CREBBP: variants seen among roughly 807,000 people sequenced by gnomAD.
The protein encoded by CREBBP is CREB binding lysine acetyltransferase, also known as CREB-binding protein.
In CREBBP, 19 loss-of-function variants were observed where a neutral mutation model predicts 265.0. The observed-to-expected ratio is 0.07, with a 90% CI of 0.05 to 0.11. The LOEUF (loss-of-function observed/expected upper bound fraction) is 0.11, where lower values mean the gene tolerates loss of function less well. Among genes scored for constraint, CREBBP ranks in the 10% least tolerant of loss-of-function variants. The pLI is 1.00. For missense variants in CREBBP, 2,525 were observed against 3,219.0 expected, an observed-to-expected ratio of 0.78 and a Z score of 5.22; for synonymous variants, 1,457 against 1,223.7, an observed-to-expected ratio of 1.19 and a Z score of -3.98.
At chr16:3,852,035 C>CAAAAAAAAAAAAAAAAAAAA (rs551018184) in intron 1 of CREBBP, among the ~76,000 whole-genome samples, 1 of 11,196 alleles carries the variant, frequency 8.9e-5, no homozygotes, top group Non-Finnish European at 1.8e-4. Context: ...GACTCCATCT[C>CAAAAAAAAAAAAAAAAAAAA]AAAAAAAAAA....
chr16:3,752,364 C>A (rs911615186), intron 19 of CREBBP, among the ~76,000 whole-genome samples: 1 of 151,896 alleles, frequency 6.6e-6, no homozygotes, highest in Non-Finnish European at 1.5e-5. Context: ...TTATGCTTGA[C>A]AGCAATTCAG....
chr16:3,816,974 A>C (rs2054048404), intron 2 of CREBBP, among the ~76,000 whole-genome samples: 1 of 152,210 alleles, frequency 6.6e-6, no homozygotes, highest in Admixed American at 6.5e-5. Context: ...GGGCATCGGA[A>C]GAGGCAGCAG....
In CREBBP at chr16:3,751,885, G is replaced by C. The variant is rs994360820; in HGVS notation, c.3699-79C>G. ...ACCCAAGCAACGAAGCCACCAATCAGAGCAGGGCAGAGCACCACGACGAAG... is the reference window on the plus strand; with the variant it reads ...ACCCAAGCAACGAAGCCACCAATCACAGCAGGGCAGAGCACCACGACGAAG... On this transcript the variant is annotated intron_variant, in intron 19 of 30. Transcript: ENST00000262367. 24 of 1,332,916 alleles carry C rather than the reference G, an allele frequency of 1.8e-5. No individual in the cohort carries two copies. In the African/African-American group the frequency reaches 3.2e-4, roughly 18 times the overall value. 82.6% of individuals were successfully genotyped at this position (1,332,916 alleles called of 1,614,324 possible). A position where few individuals can be genotyped will look rare whatever the true frequency, so the allele number is the denominator to read the frequency against.
chr16:3,814,164 A>C (rs898098600), intron 2 of CREBBP, among the ~76,000 whole-genome samples: 1 of 119,686 alleles, frequency 8.4e-6, no homozygotes, highest in African/African-American at 3.0e-5. Flanking sequence ...AATGTTGTTT[A>C]GTGTGTGTGT....
intron 23 of CREBBP, among the ~76,000 whole-genome samples, chr16:3,744,568 G>A (rs2052295449): frequency 1.3e-5 from 2 of 152,154 alleles, no homozygotes; most frequent in Non-Finnish European, 2.9e-5. Flanking sequence ...CCAAGGCTGC[G>A]AGTCCTGCTC....
intron 21 of CREBBP, among the ~76,000 whole-genome samples, chr16:3,746,173 GAT>G (rs2052337741): frequency 1.3e-5 from 2 of 152,184 alleles, no homozygotes; most frequent in Non-Finnish European, 2.9e-5. Context: ...TGAGTAATGT[GAT>G]TCCCTGTGTG....
chr16:3,734,656 C>T (rs1224579978), intron 28 of CREBBP, among the ~76,000 whole-genome samples: 1 of 152,220 alleles, frequency 6.6e-6, no homozygotes, highest in African/African-American at 2.4e-5. Flanking sequence ...AGGAGCTCTG[C>T]TTAGGAGCCA....
intron 2 of CREBBP, among the ~76,000 whole-genome samples, chr16:3,830,946 C>T (rs1176154700): frequency 4.6e-5 from 7 of 152,170 alleles, no homozygotes; most frequent in African/African-American, 1.7e-4. Flanking sequence ...CCAAGCCTGG[C>T]TATTAATTTT....
chr16:3,780,646 G>A, intron 8 of CREBBP, 86 bp downstream of exon 8: 1 of 1,434,490 alleles, frequency 7.0e-7, no homozygotes, highest in African/African-American at 1.4e-5. Flanking sequence ...GACTTGTATA[G>A]GCTCCTAGGG....
At chr16:3,751,324 C>A (rs2052468296) in intron 20 of CREBBP, among the ~76,000 whole-genome samples, 1 of 152,048 alleles carries the variant, frequency 6.6e-6, no homozygotes, top group African/African-American at 2.4e-5. Context: ...CACAACACAA[C>A]AGACTGTAAT....
chr16:3,848,030 A>C (rs567242671), intron 2 of CREBBP, among the ~76,000 whole-genome samples: 146 of 152,080 alleles, frequency 9.6e-4, no homozygotes, highest in African/African-American at 3.4e-3. Flanking sequence ...GTTAGCCGGG[A>C]GCAGTGGCAC....
intron 5 of CREBBP, among the ~76,000 whole-genome samples, chr16:3,787,469 C>T (rs2053413141): frequency 1.3e-5 from 2 of 152,134 alleles, no homozygotes; most frequent in African/African-American, 4.8e-5. Context: ...TCCTTGCTGT[C>T]CCCCATCCCA....
chr16:3,733,293 C>T (rs1034166467), intron 28 of CREBBP, among the ~76,000 whole-genome samples: 10 of 147,922 alleles, frequency 6.8e-5, no homozygotes, highest in African/African-American at 2.0e-4. Context: ...ACCCGGGAGG[C>T]GGAGCTTGCA....
At chr16:3,849,172 G>C (rs1315081154) in intron 2 of CREBBP, among the ~76,000 whole-genome samples, 1 of 152,142 alleles carries the variant, frequency 6.6e-6, no homozygotes, top group African/African-American at 2.4e-5. Context: ...TGGCCGCAGA[G>C]CATCCACAGT....
chr16:3,852,419 C>T (rs1031208783), intron 1 of CREBBP, among the ~76,000 whole-genome samples: 2 of 151,994 alleles, frequency 1.3e-5, no homozygotes, highest in Non-Finnish European at 2.9e-5. Context: ...CCATGGGAGG[C>T]CTCAGCCTCC....
chr16:3,739,821 T>A (rs2151338243), intron 24 of CREBBP, 97 bp from the exon 25 acceptor site: 1 of 1,560,720 alleles, frequency 6.4e-7, no homozygotes, highest in Non-Finnish European at 8.8e-7. Flanking sequence ...CCACTGCAGA[T>A]GAGCGGAGGC....
chr16:3,813,042 G>A (rs1048183133), intron 2 of CREBBP: 5 of 226,570 alleles, frequency 2.2e-5, no homozygotes, highest in Non-Finnish European at 4.4e-5. Context: ...AAGATGGATC[G>A]TATTATTTCT....
chr16:3,811,385 G>GCA (rs1422298952), intron 2 of CREBBP, among the ~76,000 whole-genome samples: 1 of 152,144 alleles, frequency 6.6e-6, no homozygotes, highest in Non-Finnish European at 1.5e-5. Flanking sequence ...ATCAAGACCA[G>GCA]CACCTCCTCA....
intron 23 of CREBBP, chr16:3,740,763 C>T (rs904696625): frequency 1.6e-6 from 1 of 638,010 alleles, no homozygotes; most frequent in African/African-American, 1.8e-5. Context: ...CTCCTGAAAA[C>T]CGTTTACGTG....
Sources: gnomAD v4.1 joint callset for allele counts (sites outside exome capture counted in the v4.1 genomes callset) on GRCh38, gnomAD v4.1.1 for gene constraint, MANE v1.5 for transcripts, NCBI Gene and HGNC (gene_info 2026-07-23, HGNC 2026-07-21) for gene names.